Variants in BAZ2B observed in about 807,000 individuals in gnomAD.
BAZ2B encodes bromodomain adjacent to zinc finger domain protein 2B.
In BAZ2B, 91 loss-of-function variants were observed where a neutral mutation model predicts 246.0. The observed-to-expected ratio is 0.37, with a 90% CI of 0.31 to 0.44. BAZ2B has a LOEUF of 0.44. Among genes scored for constraint, BAZ2B ranks in the 20% least tolerant of loss-of-function variants. The pLI, the probability that BAZ2B is intolerant of heterozygous loss-of-function variation, is 1.00. For missense variants in BAZ2B, 2,332 were observed against 2,533.7 expected, an observed-to-expected ratio of 0.92 and a Z score of 1.71; for synonymous variants, 855 against 860.0, an observed-to-expected ratio of 0.99 and a Z score of 0.10.
intron 34 of BAZ2B, among the ~76,000 whole-genome samples, chr2:159,327,055 C>CTTTTTT (rs67194703): frequency 2.1e-5 from 3 of 142,898 alleles, no homozygotes; most frequent in Non-Finnish European, 3.0e-5. Context: ...TGGCTGCAAT[C>CTTTTTT]TTTTTTTTTT....
At chr2:159,479,770 A>T (rs762340559) in intron 2 of BAZ2B, among the ~76,000 whole-genome samples, 1 of 152,176 alleles carries the variant, frequency 6.6e-6, no homozygotes, top group Non-Finnish European at 1.5e-5. Flanking sequence ...TTCTCATAAG[A>T]TAAGATATAT....
chr2:159,485,898 C>G (rs761572570), intron 2 of BAZ2B, among the ~76,000 whole-genome samples: 14 of 151,916 alleles, frequency 9.2e-5, no homozygotes, highest in Non-Finnish European at 2.1e-4. Context: ...CTCAAAAGAC[C>G]TGATGGTGAG....
intron 2 of BAZ2B, among the ~76,000 whole-genome samples, chr2:159,511,057 C>T (rs1424498704): frequency 6.6e-6 from 1 of 152,116 alleles, no homozygotes; most frequent in Non-Finnish European, 1.5e-5. Context: ...CGCAGATTGT[C>T]AAATCAGGAC....
intron 8 of BAZ2B, chr2:159,434,814 C>T (rs1343496283): frequency 6.6e-6 from 1 of 151,996 alleles, no homozygotes; most frequent in East Asian, 1.9e-4. Context: ...CCCGAGTAAA[C>T]AATTTAGAAA....
At chr2:159,400,341 G>T (rs1000590767) in intron 17 of BAZ2B, among the ~76,000 whole-genome samples, 4 of 151,976 alleles carry the variant, frequency 2.6e-5, no homozygotes, top group African/African-American at 4.8e-5. Flanking sequence ...ACATTTTAGC[G>T]CATGAACTTT....
chr2:159,390,013 T>C (rs13415344), intron 20 of BAZ2B, among the ~76,000 whole-genome samples: 64,320 of 151,934 alleles, frequency 0.42, 13,748 homozygotes, highest in South Asian at 0.57. Flanking sequence ...ATGGCAACAA[T>C]ATGGAAATAA....
intron 21 of BAZ2B, among the ~76,000 whole-genome samples, chr2:159,387,848 A>G (rs1010239600): frequency 3.3e-5 from 5 of 152,092 alleles, no homozygotes; most frequent in Non-Finnish European, 7.4e-5. Flanking sequence ...GTGTTAACTA[A>G]TTTATATACC....
At chr2:159,618,248 C>A (rs1012710503), upstream of BAZ2B, among the ~76,000 whole-genome samples, 4 of 152,126 alleles carry the variant, frequency 2.6e-5, no homozygotes, top group Non-Finnish European at 5.9e-5. Flanking sequence ...TCTCTTTTAG[C>A]AGCAAACTGT....
At chr2:159,399,988 T>C (rs576343308) in intron 17 of BAZ2B, among the ~76,000 whole-genome samples, 2 of 152,334 alleles carry the variant, frequency 1.3e-5, no homozygotes, top group Admixed American at 1.3e-4. Context: ...ATTAAGGTTT[T>C]GAAAATTGCT....
At chr2:159,454,463 T>A (rs2075478660) in intron 3 of BAZ2B, among the ~76,000 whole-genome samples, 1 of 152,226 alleles carries the variant, frequency 6.6e-6, no homozygotes, top group African/African-American at 2.4e-5. Flanking sequence ...GCTACTAGGC[T>A]ACAAACCTGT....
intron 2 of BAZ2B, among the ~76,000 whole-genome samples, chr2:159,503,577 T>A (rs922900932): frequency 1.3e-5 from 2 of 152,168 alleles, no homozygotes; most frequent in Non-Finnish European, 2.9e-5. Flanking sequence ...TTCTTCTTTT[T>A]TATTTATTTA....
At chr2:159,582,823 C>T (rs566822243) in intron 1 of BAZ2B, among the ~76,000 whole-genome samples, 11 of 152,240 alleles carry the variant, frequency 7.2e-5, no homozygotes, top group African/African-American at 2.2e-4. Flanking sequence ...TTCACTGAAG[C>T]GTTACCTATA....
At chr2:159,631,805 T>G in the BAZ2B span, among the ~76,000 whole-genome samples, 1 of 152,226 alleles carries the variant, frequency 6.6e-6, no homozygotes, top group Non-Finnish European at 1.5e-5. Context: ...ATCAAGAATT[T>G]ACTCAACATT....
intron 13 of BAZ2B, among the ~76,000 whole-genome samples, chr2:159,420,595 C>T (rs1038351604): frequency 6.6e-6 from 1 of 152,032 alleles, no homozygotes; most frequent in Admixed American, 6.6e-5. Context: ...TTCTACAATT[C>T]ACAAAAAATG....
chr2:159,397,508 T>C (rs2064214313), intron 18 of BAZ2B, 119 bp from the exon 19 acceptor site: 2 of 520,342 alleles, frequency 3.8e-6, no homozygotes, highest in East Asian at 6.5e-5. Context: ...CCATATGAAA[T>C]GGCCAATATT....
intron 2 of BAZ2B, among the ~76,000 whole-genome samples, chr2:159,553,640 A>C (rs192924049): frequency 2.6e-4 from 39 of 152,136 alleles, no homozygotes; most frequent in African/African-American, 9.4e-4. Context: ...GAGATCAGTT[A>C]AAAGGTTTTG....
chr2:159,648,693 T>C, the BAZ2B span, among the ~76,000 whole-genome samples: 1 of 152,260 alleles, frequency 6.6e-6, no homozygotes, highest in Non-Finnish European at 1.5e-5. Context: ...ATTATACAGA[T>C]ATCAGGTTTT....
At chr2:159,550,408 G>A (rs1173242928) in intron 2 of BAZ2B, among the ~76,000 whole-genome samples, 2 of 152,142 alleles carry the variant, frequency 1.3e-5, no homozygotes, top group Non-Finnish European at 2.9e-5. Context: ...AGCCAGCAAG[G>A]AGGAAGGGGG....
chr2:159,502,555 G>A (rs1305957620), intron 2 of BAZ2B, among the ~76,000 whole-genome samples: 1 of 151,998 alleles, frequency 6.6e-6, no homozygotes, highest in Non-Finnish European at 1.5e-5. Context: ...GACTGCCTGA[G>A]CCTGGGAGAC....
Sources: allele counts gnomAD v4.1 joint callset (sites outside exome capture counted in the v4.1 genomes callset), GRCh38; gene constraint gnomAD v4.1.1; transcripts MANE v1.5; gene names NCBI Gene and HGNC (gene_info 2026-07-23, HGNC 2026-07-21).